ASH1L: variants seen among roughly 807,000 people sequenced by gnomAD.
The protein encoded by ASH1L is histone-lysine N-methyltransferase ASH1L.
ASH1L carries 23 observed loss-of-function variants against 269.0 expected under a neutral mutation model. The observed-to-expected ratio is 0.09, with a 90% CI of 0.06 to 0.12. ASH1L has a LOEUF of 0.12. Among genes scored for constraint, ASH1L ranks in the 10% least tolerant of loss-of-function variants. The pLI is 1.00. For synonymous variants in ASH1L, 1,187 were observed against 1,253.5 expected (o/e 0.95, Z 1.12); for missense variants, 2,912 against 3,567.8 (o/e 0.82, Z 4.68).
At chr1:155,500,558 T>C (rs977513132) in intron 2 of ASH1L, among the ~76,000 whole-genome samples, 1 of 151,456 alleles carries the variant, frequency 6.6e-6, no homozygotes, top group African/African-American at 2.4e-5. Context: ...TCTTCATAAA[T>C]AGGCATAAGG....
chr1:155,543,410 T>C (rs1670572937), intron 1 of ASH1L, among the ~76,000 whole-genome samples: 1 of 143,948 alleles, frequency 6.9e-6, no homozygotes, highest in South Asian at 2.2e-4. Context: ...ACTTAGAGGG[T>C]GCAGCAGGAA....
chr1:155,507,020 C>T (rs1571011641), intron 2 of ASH1L, among the ~76,000 whole-genome samples: 1 of 152,306 alleles, frequency 6.6e-6, no homozygotes, highest in East Asian at 1.9e-4. Flanking sequence ...CAGTGGCTCA[C>T]GCCTGTAATC....
At chr1:155,433,975 G>C (rs781429246) in intron 5 of ASH1L, 3 of 1,582,762 alleles carry the variant, frequency 1.9e-6, no homozygotes, top group Non-Finnish European at 2.6e-6. Flanking sequence ...ACATCGCCCA[G>C]CAGCTTGGGC....
chr1:155,473,492 ATTTTTTT>A (rs774259211), intron 3 of ASH1L, among the ~76,000 whole-genome samples: 2 of 127,748 alleles, frequency 1.6e-5, no homozygotes, highest in Non-Finnish European at 3.4e-5. Context: ...TAGTATTTCT[ATTTTTTT>A]TTTTTTTTTT....
chr1:155,555,053 G>A (rs1671490314), intron 1 of ASH1L, among the ~76,000 whole-genome samples: 1 of 147,624 alleles, frequency 6.8e-6, no homozygotes, highest in Non-Finnish European at 1.5e-5. Context: ...TCAAACAGGA[G>A]AATCGCTTGA....
At chr1:155,505,240 G>A (rs1348319666) in intron 2 of ASH1L, among the ~76,000 whole-genome samples, 1 of 152,004 alleles carries the variant, frequency 6.6e-6, no homozygotes, top group African/African-American at 2.4e-5. Context: ...TATTTACTTT[G>A]TCCCAAAAGC....
intron 4 of ASH1L, among the ~76,000 whole-genome samples, chr1:155,458,314 G>T (rs1323391095): frequency 6.6e-6 from 1 of 152,186 alleles, no homozygotes; most frequent in African/African-American, 2.4e-5. Flanking sequence ...CCTAGAGATA[G>T]AAAGGCAGGA....
chr1:155,404,021 A>G (rs972969308), intron 6 of ASH1L, among the ~76,000 whole-genome samples: 6 of 149,008 alleles, frequency 4.0e-5, no homozygotes, highest in Admixed American at 3.4e-4. Context: ...GCACCATTGC[A>G]CTCCAGCCTG....
chr1:155,521,055 T>A, intron 2 of ASH1L, 45 bp downstream of exon 2: 1 of 1,512,346 alleles, frequency 6.6e-7, no homozygotes, highest in South Asian at 1.3e-5. Flanking sequence ...AATAGGGAAA[T>A]GAAAATATTG....
chr1:155,502,071 C>CTTTT (rs769262562), intron 2 of ASH1L, among the ~76,000 whole-genome samples: 5 of 126,426 alleles, frequency 4.0e-5, no homozygotes, highest in Non-Finnish European at 8.5e-5. Flanking sequence ...CTTTTCTTTT[C>CTTTT]TTTTTTTTTT....
chr1:155,462,497 C>A (rs1664382624), intron 3 of ASH1L, among the ~76,000 whole-genome samples: 1 of 152,186 alleles, frequency 6.6e-6, no homozygotes, highest in African/African-American at 2.4e-5. Context: ...AAAGCTCCTT[C>A]TTTTGGTGAC....
chr1:155,469,502 A>AT (rs1664935850), intron 3 of ASH1L, among the ~76,000 whole-genome samples: 1 of 152,112 alleles, frequency 6.6e-6, no homozygotes, highest in South Asian at 2.1e-4. Context: ...TCTTGACTAT[A>AT]ATAAACTCAC....
At position 155,482,090 on chromosome 1, in the gene ASH1L, G is replaced by A; in HGVS notation, c.780C>T (p.Gly260=). ...SKDLIRKAGV[G]SVAGIIHKDL... ...CCTTATGTATTATTCCAGCTACAGA[G>A]CCAACACCTGCTTTCCTGATCAAAT... Residue 260 remains glycine (G), a synonymous_variant, in exon 3 of 28, where the codon GGC becomes GGT. Transcript: ENST00000392403. The A allele has an allele frequency of 6.2e-7, 1 of 1,614,124 alleles. No homozygotes were observed.
intron 7 of ASH1L, among the ~76,000 whole-genome samples, chr1:155,392,498 T>C (rs993442146): frequency 6.6e-6 from 1 of 152,178 alleles, no homozygotes; most frequent in Non-Finnish European, 1.5e-5. Context: ...CTTATTTATT[T>C]ATTTATTTTT....
intron 12 of ASH1L, among the ~76,000 whole-genome samples, chr1:155,364,226 G>C (rs1256984228): frequency 6.6e-6 from 1 of 152,162 alleles, no homozygotes; most frequent in Non-Finnish European, 1.5e-5. Flanking sequence ...TCGTCCCACT[G>C]TACTTCAACC....
At chr1:155,542,677 ATTAAT>A (rs959819432) in intron 1 of ASH1L, among the ~76,000 whole-genome samples, 11 of 115,632 alleles carry the variant, frequency 9.5e-5, no homozygotes, top group East Asian at 8.8e-4. Flanking sequence ...TAATTAATTA[ATTAAT>A]TTTTTTTTTT....
In ASH1L at chr1:155,521,248, A is replaced by T; in HGVS notation, c.272T>A (p.Leu91His). ...SEGNLKLKIG[L>H]QAKRTKKPPK... Reference sequence around the variant, plus strand: ...AGGTTTTTTAGTTCTCTTAGCCTGGAGGCCAATTTTCAATTTTAAATTTCC... The same window carrying T: ...AGGTTTTTTAGTTCTCTTAGCCTGGTGGCCAATTTTCAATTTTAAATTTCC... The change falls in exon 2 of 28, where the codon CTC becomes CAC. Residue 91 changes from leucine (L) to histidine (H), a missense_variant. Coordinates refer to ENST00000392403, the MANE Select transcript of ASH1L (RefSeq NM_018489.3). 2.5e-6 allele frequency: 4 copies of T among 1,614,104 alleles called. No individual in the cohort carries two copies. The highest frequency in any genetic ancestry group is 3.4e-6 in the Non-Finnish European group (4 of 1,180,014).
chr1:155,442,596 A>G (rs10465954), intron 4 of ASH1L, among the ~76,000 whole-genome samples: 6,800 of 150,514 alleles, frequency 0.045, 537 homozygotes, highest in African/African-American at 0.16. Flanking sequence ...AAAAAAAAAA[A>G]AAAAAAATCA....
chr1:155,409,888 A>C (rs1659624231), intron 6 of ASH1L, among the ~76,000 whole-genome samples: 1 of 152,078 alleles, frequency 6.6e-6, no homozygotes, highest in Admixed American at 6.6e-5. Flanking sequence ...GATCTTGGCC[A>C]GGCGTGGTGG....
Sources: allele counts gnomAD v4.1 joint callset (sites outside exome capture counted in the v4.1 genomes callset), GRCh38; gene constraint gnomAD v4.1.1; transcripts MANE v1.5; gene names NCBI Gene and HGNC (gene_info 2026-07-23, HGNC 2026-07-21).